Variants in TCF12 observed in about 807,000 individuals in gnomAD.
The protein encoded by TCF12 is DNA-binding protein HTF4.
Under a neutral mutation model 86.0 loss-of-function variants are expected in TCF12, and 45 were observed. The observed-to-expected ratio is 0.52, with a 90% CI of 0.41 to 0.67. The LOEUF (loss-of-function observed/expected upper bound fraction) is 0.67. Among genes scored for constraint, TCF12 ranks in the 30% least tolerant of loss-of-function variants. The probability of loss-of-function intolerance (pLI) is 0.00; values close to 1 mark genes in which losing one functional copy is unlikely to be tolerated. For missense variants in TCF12, 881 were observed against 859.9 expected, an observed-to-expected ratio of 1.02 and a Z score of -0.31; for synonymous variants, 330 against 299.6, an observed-to-expected ratio of 1.10 and a Z score of -1.05.
intron 11 of TCF12, among the ~76,000 whole-genome samples, chr15:57,233,523 G>T (rs2059255495): frequency 6.6e-6 from 1 of 151,750 alleles, no homozygotes; most frequent in Non-Finnish European, 1.5e-5. Context: ...TTGAGACAGG[G>T]TCTCACTCTC....
At chr15:56,952,078 A>G (rs1188529803) in intron 3 of TCF12, among the ~76,000 whole-genome samples, 1 of 152,160 alleles carries the variant, frequency 6.6e-6, no homozygotes, top group Non-Finnish European at 1.5e-5. Context: ...CCACTGTTCC[A>G]ACACCATTTG....
At chr15:56,999,069 G>A (rs1258254044) in intron 3 of TCF12, among the ~76,000 whole-genome samples, 1 of 151,914 alleles carries the variant, frequency 6.6e-6, no homozygotes, top group African/African-American at 2.4e-5. Context: ...GTGGTGGCGG[G>A]CGCCTGTAGT....
chr15:57,205,538 A>G (rs1161251441), intron 8 of TCF12, among the ~76,000 whole-genome samples: 1 of 152,194 alleles, frequency 6.6e-6, no homozygotes, highest in African/African-American at 2.4e-5. Flanking sequence ...CTGTTAGATG[A>G]GGTATCTCTA....
chr15:57,246,983 A>G, intron 13 of TCF12: 2 of 540,386 alleles, frequency 3.7e-6, no homozygotes, highest in Non-Finnish European at 7.3e-6. Flanking sequence ...TACCATATCC[A>G]CCACTTTCAC....
chr15:57,266,363 C>A (rs1457963634), intron 18 of TCF12, among the ~76,000 whole-genome samples: 1 of 152,076 alleles, frequency 6.6e-6, no homozygotes, highest in Non-Finnish European at 1.5e-5. Context: ...CAGGCGTGAG[C>A]CACTGCGCCT....
chr15:57,098,537 T>C (rs558258269), intron 5 of TCF12, among the ~76,000 whole-genome samples: 1 of 152,206 alleles, frequency 6.6e-6, no homozygotes, highest in Admixed American at 6.5e-5. Flanking sequence ...TAATATTCAG[T>C]CTATCTTTAT....
At chr15:57,061,988 G>T (rs1163371795) in intron 3 of TCF12, among the ~76,000 whole-genome samples, 1 of 151,292 alleles carries the variant, frequency 6.6e-6, no homozygotes, top group African/African-American at 2.4e-5. Context: ...ATGGAGTCTT[G>T]CTCTGTCACC....
Position 57,232,384 on chromosome 15 carries a change from T to A in TCF12, c.779T>A (p.Met260Lys). The change falls in exon 10 of 21, where the codon ATG becomes AAG. Residue 260 changes from methionine (M) to lysine (K), a missense_variant. Physicochemically the swap from Met to Lys is moderately conservative, Grantham distance 95. Transcript: ENST00000333725. Reference protein sequence around the residue: ...GGILGTSTSHMSQSSSYGNLH... With the variant: ...GGILGTSTSHKSQSSSYGNLH... ...ATTCTGGGGACCTCCACTTCCCACA[T>A]GTCTCAATCCAGTAGTTATGGCAAC... 6.2e-7 allele frequency: 1 copy of A among 1,613,302 alleles called. No homozygotes were observed. The highest frequency in any genetic ancestry group is 8.5e-7 in the Non-Finnish European group (1 of 1,179,772).
intron 5 of TCF12, among the ~76,000 whole-genome samples, chr15:57,130,647 T>G (rs1338073621): frequency 6.6e-6 from 1 of 152,230 alleles, no homozygotes; most frequent in African/African-American, 2.4e-5. Context: ...GGATCAGAAC[T>G]GTTTCTGAAC....
chr15:57,159,844 T>G (rs776397384), intron 5 of TCF12, among the ~76,000 whole-genome samples: 12 of 152,218 alleles, frequency 7.9e-5, no homozygotes, highest in Non-Finnish European at 2.9e-5. Context: ...AGAGAAGCTA[T>G]TCTATTTTGT....
chr15:57,052,187 C>T (rs2067678266), intron 3 of TCF12, among the ~76,000 whole-genome samples: 1 of 152,176 alleles, frequency 6.6e-6, no homozygotes, highest in African/African-American at 2.4e-5. Flanking sequence ...TAGTCCATTT[C>T]ATGAGAACAG....
intron 3 of TCF12, among the ~76,000 whole-genome samples, chr15:56,925,247 C>G (rs28688579): frequency 5.9e-5 from 8 of 136,418 alleles, no homozygotes; most frequent in Admixed American, 2.2e-4. Flanking sequence ...ACCGCCCCCC[C>G]ACCCCCCCGC....
At chr15:57,114,204 C>G (rs1007667605) in intron 5 of TCF12, among the ~76,000 whole-genome samples, 2 of 152,098 alleles carry the variant, frequency 1.3e-5, no homozygotes, top group Non-Finnish European at 2.9e-5. Context: ...ATTACTCTAT[C>G]AGGAGCTTGT....
intron 5 of TCF12, among the ~76,000 whole-genome samples, chr15:57,158,187 T>G (rs750677355): frequency 3.4e-5 from 5 of 148,718 alleles, no homozygotes; most frequent in African/African-American, 7.4e-5. Flanking sequence ...GAAAGTCGTT[T>G]CTTTTTTTTT....
At chr15:57,090,892 G>C (rs149106523) in intron 4 of TCF12, among the ~76,000 whole-genome samples, 1 of 152,114 alleles carries the variant, frequency 6.6e-6, no homozygotes, top group Non-Finnish European at 1.5e-5. Context: ...AGGTAATGCT[G>C]TACTTAAAGA....
chr15:56,991,559 T>G (rs994887824), intron 3 of TCF12, among the ~76,000 whole-genome samples: 1 of 152,266 alleles, frequency 6.6e-6, no homozygotes, highest in Admixed American at 6.5e-5. Flanking sequence ...TATGATCTTA[T>G]CAATATGCAC....
At chr15:57,275,190 T>C (rs1194901977) in intron 19 of TCF12, among the ~76,000 whole-genome samples, 1 of 152,206 alleles carries the variant, frequency 6.6e-6, no homozygotes, top group African/African-American at 2.4e-5. Context: ...TGAACAGATT[T>C]CAAATACACT....
intron 3 of TCF12, among the ~76,000 whole-genome samples, chr15:57,035,240 A>G (rs1261234274): frequency 6.6e-6 from 1 of 152,114 alleles, no homozygotes; most frequent in Non-Finnish European, 1.5e-5. Flanking sequence ...TGATTAAATG[A>G]TATTGTTTCC....
rs892656918 is a variant in TCF12 at position 57,048,900 on chromosome 15, C to T, written c.149-14850C>T. ...ATGTTTATATCATCAAGATATAAAACGTTTCCCTTATAACATGTAGAAGAT... is the reference window on the plus strand; with the variant it reads ...ATGTTTATATCATCAAGATATAAAATGTTTCCCTTATAACATGTAGAAGAT... On this transcript the variant is annotated intron_variant, in intron 3 of 20. Coordinates refer to ENST00000333725, the MANE Select transcript of TCF12 (RefSeq NM_207037.2). Among the ~76,000 whole-genome samples the T allele has an allele frequency of 1.8e-4, 28 of 152,130 alleles. 1 individual carries two copies. Among genetic ancestry groups the T allele is most frequent in the African/African-American group, 6.5e-4 (27 of 41,436 alleles).
Sources: gnomAD v4.1 joint callset for allele counts (sites outside exome capture counted in the v4.1 genomes callset) on GRCh38, gnomAD v4.1.1 for gene constraint, MANE v1.5 for transcripts, NCBI Gene and HGNC (gene_info 2026-07-23, HGNC 2026-07-21) for gene names.